The following TOGARAM1 variants were observed in gnomAD, a reference collection of about 807,000 sequenced individuals.
TOGARAM1 encodes the protein TOG array regulator of axonemal microtubules 1, also known as TOG array regulator of axonemal microtubules protein 1.
TOGARAM1 carries 100 observed loss-of-function variants against 166.6 expected under a neutral mutation model. The observed-to-expected ratio is 0.60, with a 90% confidence interval of 0.51 to 0.71. TOGARAM1 has a LOEUF of 0.71. Among genes scored for constraint, TOGARAM1 ranks in the 30% least tolerant of loss-of-function variants. The pLI, the probability that TOGARAM1 is intolerant of heterozygous loss-of-function variation, is 0.00. For missense variants in TOGARAM1, 2,029 were observed against 2,102.7 expected (o/e 0.96, Z 0.69); for synonymous variants, 758 against 763.8 (o/e 0.99, Z 0.13).
intron 11 of TOGARAM1, among the ~76,000 whole-genome samples, chr14:45,037,923 CAGG>C (rs1405221846): frequency 6.6e-6 from 1 of 151,196 alleles, no homozygotes; most frequent in Non-Finnish European, 1.5e-5. Context: ...GAGGCTGAGA[CAGG>C]AGAATCGCTT....
At chr14:45,012,320 C>A (rs1325846093) in intron 7 of TOGARAM1, among the ~76,000 whole-genome samples, 4 of 152,132 alleles carry the variant, frequency 2.6e-5, no homozygotes, top group Non-Finnish European at 5.9e-5. Context: ...CTGGCTCCTA[C>A]ACCTAGATTT....
chr14:45,060,560 A>G (rs1407652205), intron 16 of TOGARAM1, among the ~76,000 whole-genome samples: 1 of 152,118 alleles, frequency 6.6e-6, no homozygotes, highest in East Asian at 1.9e-4. Flanking sequence ...CTAAATAAGA[A>G]TTGGTAATTT....
chr14:45,042,175 A>G (rs1415878793), intron 11 of TOGARAM1: 3 of 152,166 alleles, frequency 2.0e-5, no homozygotes, highest in East Asian at 1.9e-4. Context: ...CCACATGGCT[A>G]TTGTAGTTTC....
At chr14:45,005,345 G>T (rs765019197) in intron 4 of TOGARAM1, among the ~76,000 whole-genome samples, 4 of 152,182 alleles carry the variant, frequency 2.6e-5, no homozygotes, top group Admixed American at 6.5e-5. Context: ...AGTCGACTGA[G>T]CGTAGTGGGT....
At chr14:45,004,884 C>G (rs965049954) in intron 4 of TOGARAM1, among the ~76,000 whole-genome samples, 1 of 151,914 alleles carries the variant, frequency 6.6e-6, no homozygotes, top group African/African-American at 2.4e-5. Context: ...TTCATTTATT[C>G]AATATTTATT....
At chr14:45,036,849 CA>C (rs1371304835) in intron 11 of TOGARAM1, among the ~76,000 whole-genome samples, 2 of 152,082 alleles carry the variant, frequency 1.3e-5, no homozygotes, top group East Asian at 3.9e-4. Flanking sequence ...AAGACATATC[CA>C]AGAGGAGAAG....
At chr14:45,019,266 G>T (rs1353190229) in intron 7 of TOGARAM1, among the ~76,000 whole-genome samples, 3 of 152,052 alleles carry the variant, frequency 2.0e-5, no homozygotes, top group Non-Finnish European at 4.4e-5. Context: ...GTTGTAATTT[G>T]GGCCCTCTTT....
chr14:45,050,192 T>G (rs1882292233), intron 14 of TOGARAM1, among the ~76,000 whole-genome samples: 1 of 152,216 alleles, frequency 6.6e-6, no homozygotes, highest in Non-Finnish European at 1.5e-5. Flanking sequence ...TAATATTTAT[T>G]CTCTGACATC....
chr14:45,001,856 A>G (rs1213007736), intron 3 of TOGARAM1, among the ~76,000 whole-genome samples: 1 of 152,228 alleles, frequency 6.6e-6, no homozygotes, highest in Non-Finnish European at 1.5e-5. Context: ...CATAAGATAC[A>G]GAAGAGGAAA....
intron 16 of TOGARAM1, among the ~76,000 whole-genome samples, chr14:45,059,659 A>AAAAAC (rs530739583): frequency 0.018 from 2,700 of 151,982 alleles, 28 homozygotes; most frequent in African/African-American, 0.035. Context: ...CTGTCTCAAA[A>AAAAAC]AAAACAAAAC....
chr14:45,052,657 T>C, intron 15 of TOGARAM1, 95 bp downstream of exon 15: 1 of 1,184,292 alleles, frequency 8.4e-7, no homozygotes, highest in Non-Finnish European at 1.2e-6. Context: ...ATTTGATTAT[T>C]TCTCTGTTAA....
intron 7 of TOGARAM1, among the ~76,000 whole-genome samples, chr14:45,017,448 A>G (rs1024435288): frequency 2.6e-5 from 4 of 151,302 alleles, no homozygotes; most frequent in Non-Finnish European, 4.4e-5. Context: ...TTTAGAAGAC[A>G]TTTTGCCACT....
intron 6 of TOGARAM1, 125 bp from the exon 7 acceptor site, chr14:45,011,850 A>G (rs1421643984): frequency 1.7e-6 from 1 of 598,388 alleles, no homozygotes; most frequent in African/African-American, 1.9e-5. Context: ...TTCAAGTGTC[A>G]TACTTATTGC....
In TOGARAM1 at chr14:44,976,635, T is replaced by TA. The variant is rs201299653; in HGVS notation, c.2046+12177dup. The stretch of plus-strand genomic sequence containing the variant: ...CATTTATTTAATCAACCTTTACCTT[T>TA]AAAAAAAAACTCTTAAAATAATACC... On this transcript the variant is annotated intron_variant, in intron 1 of 19. Coordinates refer to ENST00000361462, the MANE Select transcript of TOGARAM1 (RefSeq NM_001308120.2). Among the ~76,000 whole-genome samples, 599 of 141,954 alleles carry TA rather than the reference T, an allele frequency of 4.2e-3. 4 individuals carry two copies. Among genetic ancestry groups the TA allele is most frequent in the African/African-American group, 0.015 (552 of 37,602 alleles). 93.1% of individuals were successfully genotyped at this position (141,954 alleles called of 152,430 possible). A position where few individuals can be genotyped will look rare whatever the true frequency, so the allele number is the denominator to read the frequency against.
intron 1 of TOGARAM1, among the ~76,000 whole-genome samples, chr14:44,968,025 A>T (rs1323657445): frequency 6.6e-6 from 1 of 152,208 alleles, no homozygotes; most frequent in Non-Finnish European, 1.5e-5. Flanking sequence ...GCCAAAGCAA[A>T]AAGAATCTGA....
intron 1 of TOGARAM1, among the ~76,000 whole-genome samples, chr14:44,964,927 G>A (rs1232783217): frequency 4.2e-5 from 1 of 24,074 alleles, no homozygotes; most frequent in Non-Finnish European, 7.6e-5. Flanking sequence ...ACTGAAGACA[G>A]AAAAACTAAT....
At chr14:45,027,912 A>G (rs576495547) in intron 9 of TOGARAM1, among the ~76,000 whole-genome samples, 2 of 152,136 alleles carry the variant, frequency 1.3e-5, no homozygotes, top group African/African-American at 4.8e-5. Context: ...TTAATCATTT[A>G]AATATAGATT....
chr14:44,998,075 A>G (rs1887517853), intron 2 of TOGARAM1, among the ~76,000 whole-genome samples: 1 of 152,196 alleles, frequency 6.6e-6, no homozygotes, highest in Admixed American at 6.5e-5. Flanking sequence ...GTTCCCTAGG[A>G]GAATTTATAG....
At position 44,962,299 on chromosome 14, in the gene TOGARAM1, T is replaced by G; in HGVS notation, c.-123T>G. 7 of 1,270,856 alleles carry G rather than the reference T, an allele frequency of 5.5e-6. No homozygotes were observed. The highest frequency in any genetic ancestry group is 7.3e-6 in the Non-Finnish European group (7 of 958,292). 78.7% of individuals were successfully genotyped at this position (1,270,856 alleles called of 1,614,324 possible). A position where few individuals can be genotyped will look rare whatever the true frequency, so the allele number is the denominator to read the frequency against. ...AGTTGGGGGCGGCCTGGCGGCAGGC[T>G]GAAGCTGTTCTTTTGCCTCTTCTGC... On this transcript the variant is annotated 5_prime_UTR_variant, in exon 1 of 20. Coordinates refer to ENST00000361462, the MANE Select transcript of TOGARAM1 (RefSeq NM_001308120.2).
Sources: allele counts gnomAD v4.1 joint callset (sites outside exome capture counted in the v4.1 genomes callset), GRCh38; gene constraint gnomAD v4.1.1; transcripts MANE v1.5; gene names NCBI Gene and HGNC (gene_info 2026-07-23, HGNC 2026-07-21).